Variants in DPP10 observed in about 807,000 individuals in gnomAD.
DPP10 encodes the protein dipeptidyl peptidase like 10, also known as inactive dipeptidyl peptidase 10.
A neutral mutation model predicts 120.9 loss-of-function variants in DPP10; 33 were observed. That is an observed-to-expected ratio of 0.27 (90% CI 0.21 to 0.37). The LOEUF (loss-of-function observed/expected upper bound fraction) is 0.37. Among genes scored for constraint, DPP10 ranks in the 10% least tolerant of loss-of-function variants. The pLI is 1.00. For missense variants in DPP10, 816 were observed against 942.8 expected (o/e 0.87, Z 1.76); for synonymous variants, 337 against 326.1 (o/e 1.03, Z -0.36).
intron 1 of DPP10, among the ~76,000 whole-genome samples, chr2:115,165,176 T>C (rs2052742299): frequency 6.6e-6 from 1 of 152,218 alleles, no homozygotes; most frequent in African/African-American, 2.4e-5. Flanking sequence ...AGAGTACTAT[T>C]CTTAGGGTTC....
chr2:115,303,656 C>T (rs1270051324), intron 1 of DPP10, among the ~76,000 whole-genome samples: 2 of 151,228 alleles, frequency 1.3e-5, no homozygotes, highest in East Asian at 1.9e-4. Context: ...ATTCTTTTAC[C>T]TTTATTTTTT....
At chr2:115,025,134 C>A (rs1703367389) in intron 1 of DPP10, among the ~76,000 whole-genome samples, 1 of 151,766 alleles carries the variant, frequency 6.6e-6, no homozygotes, top group African/African-American at 2.4e-5. Flanking sequence ...GTATATTTGT[C>A]TTTTTAATCA....
At chr2:115,401,414 G>A (rs1215912893) in intron 3 of DPP10, among the ~76,000 whole-genome samples, 1 of 151,966 alleles carries the variant, frequency 6.6e-6, no homozygotes, top group African/African-American at 2.4e-5. Context: ...GTCTTTCCCT[G>A]CAAAAACATT....
chr2:115,345,839 G>GT (rs1257590537), intron 3 of DPP10, among the ~76,000 whole-genome samples: 2 of 152,122 alleles, frequency 1.3e-5, no homozygotes, highest in Non-Finnish European at 2.9e-5. Flanking sequence ...TATATTTGGA[G>GT]TTTATCATTT....
intron 1 of DPP10, among the ~76,000 whole-genome samples, chr2:114,902,148 C>T (rs555342614): frequency 6.6e-6 from 1 of 152,298 alleles, no homozygotes; most frequent in Non-Finnish European, 1.5e-5. Context: ...GGGCCATTTT[C>T]TGAGACTTTT....
intron 1 of DPP10, among the ~76,000 whole-genome samples, chr2:115,016,483 C>G (rs1004688231): frequency 1.3e-5 from 2 of 152,202 alleles, no homozygotes; most frequent in East Asian, 1.9e-4. Context: ...GCAATGACAA[C>G]AAAAGCCAAA....
intron 5 of DPP10, among the ~76,000 whole-genome samples, chr2:115,622,829 C>CTTTTTTTTTTTTTTT (rs765780452): frequency 1.3e-3 from 171 of 127,982 alleles, no homozygotes; most frequent in Middle Eastern, 4.7e-3. Flanking sequence ...TTCGTTTATT[C>CTTTTTTTTTTTTTTT]TTTTTTTTTT....
intron 1 of DPP10, among the ~76,000 whole-genome samples, chr2:114,603,947 A>G (rs1328909376): frequency 1.3e-5 from 2 of 152,104 alleles, no homozygotes; most frequent in South Asian, 2.1e-4. Context: ...AAATATAGAA[A>G]GCAGAATTAA....
intron 17 of DPP10, among the ~76,000 whole-genome samples, chr2:115,789,200 G>A (rs1683674279): frequency 6.6e-6 from 1 of 152,040 alleles, no homozygotes; most frequent in Non-Finnish European, 1.5e-5. Flanking sequence ...ACAAAAAAAA[G>A]ATCAAATTTT....
chr2:114,801,288 G>GAAAAAAAGAAAA (rs112993269), intron 1 of DPP10, among the ~76,000 whole-genome samples: 17 of 143,022 alleles, frequency 1.2e-4, no homozygotes, highest in African/African-American at 4.2e-4. Flanking sequence ...AAGAAAAAAA[G>GAAAAAAAGAAAA]AAAGAAAGAA....
At chr2:114,619,123 G>C (rs1693890594) in intron 1 of DPP10, among the ~76,000 whole-genome samples, 1 of 151,926 alleles carries the variant, frequency 6.6e-6, no homozygotes, top group Non-Finnish European at 1.5e-5. Context: ...ATTGTAGTTA[G>C]GAATCAGACG....
intron 3 of DPP10, among the ~76,000 whole-genome samples, chr2:115,399,110 C>T (rs1395144653): frequency 6.6e-6 from 1 of 152,092 alleles, no homozygotes; most frequent in African/African-American, 2.4e-5. Flanking sequence ...TTGGTACCAC[C>T]TCTTGTTTCA....
chr2:115,130,555 TTTC>T (rs145748694), intron 1 of DPP10, among the ~76,000 whole-genome samples: 11,621 of 151,810 alleles, frequency 0.077, 1,464 homozygotes, highest in African/African-American at 0.27. Flanking sequence ...CATCTTCAGC[TTTC>T]TTTTTTTAAT....
chr2:114,992,056 T>C (rs1234743264), intron 1 of DPP10, among the ~76,000 whole-genome samples: 2 of 152,184 alleles, frequency 1.3e-5, no homozygotes, highest in African/African-American at 4.8e-5. Flanking sequence ...TATGGAAGCA[T>C]CCATTCCTTT....
At chr2:114,918,937 G>A (rs1228156807) in intron 1 of DPP10, among the ~76,000 whole-genome samples, 3 of 142,758 alleles carry the variant, frequency 2.1e-5, no homozygotes, top group African/African-American at 5.2e-5. Context: ...ACGTACCCCC[G>A]AACCTAAAAA....
intron 3 of DPP10, among the ~76,000 whole-genome samples, chr2:115,410,567 A>G (rs1482253202): frequency 6.6e-6 from 1 of 152,220 alleles, no homozygotes; most frequent in Non-Finnish European, 1.5e-5. Flanking sequence ...GCAAACCACC[A>G]TGGCACACGT....
intron 3 of DPP10, among the ~76,000 whole-genome samples, chr2:115,360,227 C>T (rs997119320): frequency 9.2e-5 from 14 of 152,128 alleles, no homozygotes; most frequent in African/African-American, 1.4e-4. Flanking sequence ...TTATCTGAGA[C>T]GGTTAGTGTT....
intron 1 of DPP10, among the ~76,000 whole-genome samples, chr2:114,626,963 G>A (rs1447981717): frequency 1.3e-5 from 2 of 151,994 alleles, no homozygotes; most frequent in Admixed American, 1.3e-4. Flanking sequence ...TGGGGTGAAT[G>A]GACCTTAATT....
chr2:115,063,860 A>C (rs1264536734), intron 1 of DPP10, among the ~76,000 whole-genome samples: 1 of 152,080 alleles, frequency 6.6e-6, no homozygotes, highest in Non-Finnish European at 1.5e-5. Flanking sequence ...CAAGGGCAAA[A>C]ATTTCATGTT....
Sources: allele counts gnomAD v4.1 joint callset (sites outside exome capture counted in the v4.1 genomes callset), GRCh38; gene constraint gnomAD v4.1.1; transcripts MANE v1.5; gene names NCBI Gene and HGNC (gene_info 2026-07-23, HGNC 2026-07-21).